ZBTB37: variants seen among roughly 807,000 people sequenced by gnomAD.
ZBTB37 encodes zinc finger and BTB domain containing 37.
Under a neutral mutation model 37.7 loss-of-function variants are expected in ZBTB37, and 15 were observed. The ratio of observed to expected loss-of-function variants is 0.40; its 90% CI spans 0.27 to 0.61. The LOEUF (loss-of-function observed/expected upper bound fraction) is 0.61. Among genes scored for constraint, ZBTB37 ranks in the 20% least tolerant of loss-of-function variants. The probability of loss-of-function intolerance (pLI) is 0.44; values close to 1 mark genes in which losing one functional copy is unlikely to be tolerated. For missense variants in ZBTB37, 514 were observed against 641.9 expected (o/e 0.80, Z 2.15); for synonymous variants, 231 against 220.6 (o/e 1.05, Z -0.42).
At chr1:173,902,214 T>C (rs1311054812) in exon 4 of ZBTB37, 1 of 152,280 alleles carries the variant, frequency 6.6e-6, no homozygotes, top group African/African-American at 2.4e-5. Context: ...CAGTTGATAT[T>C]GATTGATAGC....
At chr1:173,882,438 C>T (rs1656382000) in intron 4 of ZBTB37, among the ~76,000 whole-genome samples, 1 of 151,890 alleles carries the variant, frequency 6.6e-6, no homozygotes, top group Non-Finnish European at 1.5e-5. Context: ...GACAGGGTTT[C>T]ACCATATTAG....
exon 4 of ZBTB37, chr1:173,897,599 A>G (rs190636805): frequency 6.6e-6 from 1 of 152,158 alleles, no homozygotes; most frequent in Admixed American, 6.5e-5. Context: ...GTGTAAGTTT[A>G]TGTGTGTATG....
chr1:173,885,727 G>A (rs1190218875), exon 5 of ZBTB37: 24 of 1,551,484 alleles, frequency 1.5e-5, no homozygotes, highest in Non-Finnish European at 1.9e-5. Context: ...TACAACCCTC[G>A]TCTCACCTGC....
chr1:173,879,144 C>G (rs1656154470), intron 4 of ZBTB37, among the ~76,000 whole-genome samples: 1 of 151,782 alleles, frequency 6.6e-6, no homozygotes, highest in East Asian at 1.9e-4. Context: ...TTCCTGACCC[C>G]ACTTTCTACA....
chr1:173,869,633 T>A (rs1655376451), intron 2 of ZBTB37, among the ~76,000 whole-genome samples: 1 of 129,280 alleles, frequency 7.7e-6, no homozygotes, highest in Non-Finnish European at 1.6e-5. Context: ...CACAGCCCTA[T>A]AACCAAAGTC....
intron 4 of ZBTB37, among the ~76,000 whole-genome samples, chr1:173,883,457 G>A (rs1656448532): frequency 6.6e-6 from 1 of 152,148 alleles, no homozygotes; most frequent in South Asian, 2.1e-4. Context: ...GGCAAAAAGA[G>A]CGAAACTCCG....
chr1:173,878,750 C>T (rs1240773416), intron 4 of ZBTB37, among the ~76,000 whole-genome samples: 1 of 152,176 alleles, frequency 6.6e-6, no homozygotes, highest in Non-Finnish European at 1.5e-5. Context: ...ACATAAATTT[C>T]TTACACCTGT....
chr1:173,871,267 A>G (rs2102716091), intron 3 of ZBTB37, 119 bp downstream of exon 3: 1 of 1,023,288 alleles, frequency 9.8e-7, no homozygotes, highest in East Asian at 2.6e-5. Context: ...AAATAAGTTG[A>G]TGATGGGGAA....
chr1:173,884,084 T>TA (rs1323802123), intron 4 of ZBTB37, among the ~76,000 whole-genome samples: 2 of 152,090 alleles, frequency 1.3e-5, no homozygotes, highest in East Asian at 1.9e-4. Flanking sequence ...TAACTCAGGT[T>TA]AAAAAAATAA....
intron 4 of ZBTB37, among the ~76,000 whole-genome samples, chr1:173,880,765 C>G (rs559580107): frequency 5.3e-5 from 8 of 152,296 alleles, no homozygotes; most frequent in Non-Finnish European, 1.0e-4. Flanking sequence ...AGGACCCAAT[C>G]TGCATTTTGT....
exon 4 of ZBTB37, chr1:173,896,492 GA>G (rs377418450): frequency 9.2e-4 from 140 of 152,322 alleles, no homozygotes; most frequent in African/African-American, 3.1e-3. Context: ...ATTTAAGTTT[GA>G]AATCATTTGG....
exon 3 of ZBTB37, chr1:173,870,241 A>G (rs1655456218): frequency 1.9e-6 from 3 of 1,611,736 alleles, no homozygotes; most frequent in Non-Finnish European, 2.5e-6. Context: ...GAAAGGTGGG[A>G]ACATACAATT....
At chr1:173,870,012 C>T (rs1162796127) in intron 2 of ZBTB37, among the ~76,000 whole-genome samples, 188 bp from the exon 3 acceptor site, 3 of 152,158 alleles carry the variant, frequency 2.0e-5, no homozygotes. Flanking sequence ...CTATGTCCTC[C>T]TGTGAAACTT....
chr1:173,875,921 T>A lies in ZBTB37; in HGVS notation c.1023+2355T>A, dbSNP rs190377404. On this transcript the variant is annotated intron_variant, in intron 4 of 4. Coordinates refer to ENST00000427304, the Ensembl canonical transcript of ZBTB37. ...CAATCTGCCTGCCTCAGCCTCCCAA[T>A]TTGCTGGGATTACAGGCGTGAGCCA... Among the ~76,000 whole-genome samples the A allele has an allele frequency of 1.3e-5, 2 of 151,974 alleles. 1 individual carries two copies. Among genetic ancestry groups the A allele is most frequent in the East Asian group, 3.9e-4 (2 of 5,146 alleles).
intron 4 of ZBTB37, among the ~76,000 whole-genome samples, chr1:173,874,094 A>G (rs940058945): frequency 1.3e-5 from 2 of 151,880 alleles, no homozygotes; most frequent in Admixed American, 6.6e-5. Flanking sequence ...CGTCTCTACT[A>G]AAAATACAAA....
chr1:173,895,008 C>A (rs1656989354), exon 4 of ZBTB37: 1 of 152,136 alleles, frequency 6.6e-6, no homozygotes, highest in Admixed American at 6.6e-5. Context: ...TACTGTGTTC[C>A]AAGTTGTGAA....
exon 4 of ZBTB37, chr1:173,891,857 C>G (rs1055410268): frequency 3.3e-5 from 5 of 152,174 alleles, no homozygotes; most frequent in Admixed American, 3.3e-4. Context: ...ACAAAGTTTT[C>G]TAGGCCATGC....
chr1:173,885,522 G>T, intron 4 of ZBTB37, 114 bp from the exon 5 acceptor site: 1 of 898,698 alleles, frequency 1.1e-6, no homozygotes, highest in Non-Finnish European at 1.6e-6. Flanking sequence ...TGTTTGATCC[G>T]CCACTAAAAA....
chr1:173,873,353 G>T, intron 3 of ZBTB37, 114 bp from the exon 4 acceptor site: 2 of 1,034,246 alleles, frequency 1.9e-6, no homozygotes, highest in Non-Finnish European at 2.7e-6. Context: ...GTTATTTGTT[G>T]CTTGGTTTGT....
Sources: gnomAD v4.1 joint callset for allele counts (sites outside exome capture counted in the v4.1 genomes callset) on GRCh38, gnomAD v4.1.1 for gene constraint, MANE v1.5 for transcripts, NCBI Gene and HGNC (gene_info 2026-07-23, HGNC 2026-07-21) for gene names.